LGR6: variants seen among roughly 807,000 people sequenced by gnomAD.
LGR6 encodes the protein leucine rich repeat containing G protein-coupled receptor 6.
Under a neutral mutation model 69.4 loss-of-function variants are expected in LGR6, and 45 were observed. That is an observed-to-expected ratio of 0.65 (90% CI 0.51 to 0.83). LGR6 has a LOEUF of 0.83. LGR6 is among the 40% of genes least tolerant of loss of function. The pLI is 0.00. For missense variants in LGR6, 1,108 were observed against 1,246.7 expected (o/e 0.89, Z 1.68); for synonymous variants, 538 against 555.0 (o/e 0.97, Z 0.43).
intron 9 of LGR6, among the ~76,000 whole-genome samples, chr1:202,302,860 T>TCCAGCAGAA (rs1341004200): frequency 2.6e-5 from 4 of 152,074 alleles, no homozygotes; most frequent in African/African-American, 4.8e-5. Context: ...AACTGATAGT[T>TCCAGCAGAA]CTAATAAAGT....
chr1:202,309,299 G>A, intron 15 of LGR6, 123 bp downstream of exon 15: 1 of 1,193,406 alleles, frequency 8.4e-7, no homozygotes, highest in Non-Finnish European at 1.2e-6. Context: ...CCAAGATTTA[G>A]TGGAAGGGCT....
At chr1:202,199,558 C>T (rs1431561435) in intron 1 of LGR6, among the ~76,000 whole-genome samples, 2 of 138,722 alleles carry the variant, frequency 1.4e-5, no homozygotes, top group Admixed American at 1.4e-4. Flanking sequence ...GCAGAGTTGG[C>T]CCCCAGCCCA....
In LGR6 at chr1:202,318,463, C is replaced by T. The variant is rs3820385; in HGVS notation, c.2160C>T (p.Tyr720=). Reference sequence around the variant, plus strand: ...GGGCCTCCCCACTCTGCCTGCCCTACGCGCCACCTGAGGGTCAGCCAGCAG... The same window carrying T: ...GGGCCTCCCCACTCTGCCTGCCCTATGCGCCACCTGAGGGTCAGCCAGCAG... ...EYGASPLCLP[Y]APPEGQPAAL... is the part of the protein sequence containing the mutation. Residue 720 remains tyrosine, a synonymous_variant, in exon 18 of 18, where the codon TAC becomes TAT. Transcript: ENST00000367278. The T allele has an allele frequency of 1.8e-4, 288 of 1,613,168 alleles. 3 individuals are homozygous for T. Among genetic ancestry groups the T allele is most frequent in the South Asian group, 1.3e-3 (116 of 91,052 alleles).
chr1:202,247,909 C>G (rs1376559461), intron 4 of LGR6, among the ~76,000 whole-genome samples: 3 of 152,172 alleles, frequency 2.0e-5, no homozygotes, highest in African/African-American at 7.2e-5. Context: ...CTGGCCACAC[C>G]CCTGGAGCCT....
chr1:202,248,494 G>C (rs932303912), intron 4 of LGR6, among the ~76,000 whole-genome samples: 5 of 151,140 alleles, frequency 3.3e-5, no homozygotes, highest in African/African-American at 1.2e-4. Flanking sequence ...TCACCACCCT[G>C]ACACCTGTTT....
intron 5 of LGR6, among the ~76,000 whole-genome samples, chr1:202,277,649 G>A (rs1329787611): frequency 6.6e-6 from 1 of 152,068 alleles, no homozygotes; most frequent in Non-Finnish European, 1.5e-5. Flanking sequence ...CCCATGTGGT[G>A]TACTGAAAAC....
intron 1 of LGR6, among the ~76,000 whole-genome samples, chr1:202,216,057 C>G (rs530139147): frequency 3.1e-4 from 47 of 152,328 alleles, no homozygotes; most frequent in African/African-American, 1.1e-3. Flanking sequence ...CAGGGAGCAT[C>G]TGTGATTGGA....
chr1:202,211,246 GA>G (rs1266360914), intron 1 of LGR6, among the ~76,000 whole-genome samples: 5 of 152,220 alleles, frequency 3.3e-5, no homozygotes, highest in Admixed American at 1.3e-4. Flanking sequence ...ACAATATACA[GA>G]AATAAACATC....
rs2148301075 is a variant in LGR6 at position 202,311,287 on chromosome 1, A to G, written c.1567+930A>G. On this transcript the variant is annotated intron_variant, in intron 16 of 17. Transcript: ENST00000367278. ...GTAGACAAAACTGAGGTCCAATCCC[A>G]ACTACAACATTCACCAGTTGGATTG... 1.3e-5 allele frequency among the ~76,000 whole-genome samples: 2 copies of G among 152,366 alleles called. 1 individual carries two copies. Among genetic ancestry groups the G allele is most frequent in the South Asian group, 4.1e-4 (2 of 4,832 alleles).
At chr1:202,202,544 T>C (rs1469853175) in intron 1 of LGR6, among the ~76,000 whole-genome samples, 1 of 152,234 alleles carries the variant, frequency 6.6e-6, no homozygotes, top group Non-Finnish European at 1.5e-5. Context: ...TATGGCTATA[T>C]GTTTCTTCAC....
intron 1 of LGR6, among the ~76,000 whole-genome samples, chr1:202,205,159 C>CAT (rs1558004661): frequency 1.1e-5 from 1 of 93,094 alleles, no homozygotes; most frequent in African/African-American, 4.4e-5. Flanking sequence ...TCCACACACA[C>CAT]CTAACACACA....
intron 4 of LGR6, among the ~76,000 whole-genome samples, chr1:202,247,977 C>T (rs10920373): frequency 0.45 from 68,824 of 152,010 alleles, 15,908 homozygotes; most frequent in Middle Eastern, 0.56. Context: ...GAAGAAGGGT[C>T]GGGGGCTGGG....
At chr1:202,294,386 A>G (rs2148231700) in intron 6 of LGR6, among the ~76,000 whole-genome samples, 1 of 152,354 alleles carries the variant, frequency 6.6e-6, no homozygotes, top group South Asian at 2.1e-4. Context: ...TAGTGGCTTA[A>G]AATATCACTT....
intron 4 of LGR6, among the ~76,000 whole-genome samples, chr1:202,257,925 T>A (rs1159918057): frequency 3.3e-5 from 5 of 152,130 alleles, no homozygotes; most frequent in African/African-American, 1.2e-4. Context: ...TTAACAATAT[T>A]GTCTTCCAAT....
At chr1:202,313,411 C>G (rs1653901162) in intron 16 of LGR6, among the ~76,000 whole-genome samples, 1 of 152,126 alleles carries the variant, frequency 6.6e-6, no homozygotes. Flanking sequence ...TCCCCACCCC[C>G]TGACCCCCCA....
chr1:202,204,593 AAC>A lies in LGR6; in HGVS notation c.212+10401_212+10402del, dbSNP rs558222553. Among the ~76,000 whole-genome samples, 79 of 111,610 alleles carry A rather than the reference AAC, an allele frequency of 7.1e-4. 1 individual carries two copies. Among genetic ancestry groups the A allele is most frequent in the Non-Finnish European group, 7.8e-4 (43 of 55,130 alleles). The allele number at this position is 111,610 out of a possible 152,430, so 73.2% of individuals were successfully genotyped here. A position where few individuals can be genotyped will look rare whatever the true frequency, so the allele number is the denominator to read the frequency against. ...ACACACCTAACACACACCTCCTTCAAACACACACACCTCCAAACACACACCTC... is the reference window on the plus strand; with the variant it reads ...ACACACCTAACACACACCTCCTTCAAACACACACCTCCAAACACACACCTC... On this transcript the variant is annotated intron_variant, in intron 1 of 17. Transcript: ENST00000367278.
At chr1:202,229,802 A>T (rs1433158900) in intron 3 of LGR6, among the ~76,000 whole-genome samples, 1 of 152,122 alleles carries the variant, frequency 6.6e-6, no homozygotes, top group African/African-American at 2.4e-5. Flanking sequence ...TGGTCCCCCA[A>T]AGCCTTTGTG....
intron 4 of LGR6, among the ~76,000 whole-genome samples, chr1:202,253,874 C>T (rs1199125273): frequency 3.9e-5 from 5 of 128,412 alleles, no homozygotes; most frequent in African/African-American, 1.2e-4. Flanking sequence ...GGCGGGATCT[C>T]GGCTCACTGC....
At chr1:202,289,539 A>C (rs535721318) in intron 6 of LGR6, among the ~76,000 whole-genome samples, 49 of 152,350 alleles carry the variant, frequency 3.2e-4, no homozygotes, top group Admixed American at 9.8e-4. Flanking sequence ...GGCAAGAAAG[A>C]GAACGTAGGT....
Sources: gnomAD v4.1 joint callset for allele counts (sites outside exome capture counted in the v4.1 genomes callset) on GRCh38, gnomAD v4.1.1 for gene constraint, MANE v1.5 for transcripts, NCBI Gene and HGNC (gene_info 2026-07-23, HGNC 2026-07-21) for gene names.